ERP44: variants seen among roughly 807,000 people sequenced by gnomAD.
The protein encoded by ERP44 is endoplasmic reticulum resident protein 44.
In ERP44, 25 loss-of-function variants were observed where a neutral mutation model predicts 53.4. The ratio of observed to expected loss-of-function variants is 0.47; its 90% CI spans 0.34 to 0.65. ERP44 has a LOEUF of 0.65. Among genes scored for constraint, ERP44 ranks in the 30% least tolerant of loss-of-function variants. The pLI, the probability that ERP44 is intolerant of heterozygous loss-of-function variation, is 0.01. For synonymous variants in ERP44, 145 were observed against 161.2 expected, an observed-to-expected ratio of 0.90 and a Z score of 0.76; for missense variants, 338 against 493.2, an observed-to-expected ratio of 0.69 and a Z score of 2.98.
At chr9:100,019,045 A>G (rs1830556011) in intron 6 of ERP44, among the ~76,000 whole-genome samples, 1 of 152,260 alleles carries the variant, frequency 6.6e-6, no homozygotes, top group South Asian at 2.1e-4. Flanking sequence ...GTGAGTAGAG[A>G]CAGACTAACA....
intron 8 of ERP44, among the ~76,000 whole-genome samples, chr9:100,011,777 C>G (rs928170711): frequency 1.3e-5 from 2 of 152,080 alleles, no homozygotes; most frequent in South Asian, 4.1e-4. Flanking sequence ...AAAAAAGCAA[C>G]AGAACATTAC....
At chr9:100,083,058 T>C (rs1452134881) in intron 1 of ERP44, among the ~76,000 whole-genome samples, 3 of 147,904 alleles carry the variant, frequency 2.0e-5, no homozygotes, top group Non-Finnish European at 3.0e-5. Context: ...TAACAAATAA[T>C]AGAAAGAATG....
intron 1 of ERP44, among the ~76,000 whole-genome samples, chr9:100,073,766 G>A (rs1826328529): frequency 6.6e-6 from 1 of 152,162 alleles, no homozygotes; most frequent in African/African-American, 2.4e-5. Context: ...ATCCAAATGT[G>A]TGTTATCATC....
At position 99,982,478 on chromosome 9, in the gene ERP44, A is replaced by C. The variant is rs1830157972; in HGVS notation, c.*134T>G. 1 of 405,866 alleles carries C rather than the reference A, an allele frequency of 2.5e-6. No individual in the cohort carries two copies. Among genetic ancestry groups the C allele is most frequent in the Non-Finnish European group, 4.2e-6 (1 of 237,628 alleles). The allele number at this position is 405,866 out of a possible 1,614,324, so 25.1% of individuals were successfully genotyped here. ...ATGCATTTTGAGTCGGGGAGAAAAA[A>C]ATTAAAAACCCAAAATTTCTTTCTG... On this transcript the variant is annotated 3_prime_UTR_variant, in exon 12 of 12. Coordinates refer to ENST00000262455, the MANE Select transcript of ERP44 (RefSeq NM_015051.3).
At chr9:100,038,890 TA>T (rs1825872976) in intron 4 of ERP44, among the ~76,000 whole-genome samples, 1 of 152,068 alleles carries the variant, frequency 6.6e-6, no homozygotes, top group African/African-American at 2.4e-5. Flanking sequence ...ACAAAAACTA[TA>T]AGAAGAGACA....
intron 10 of ERP44, 54 bp downstream of exon 10, chr9:100,006,452 G>T: frequency 7.7e-7 from 1 of 1,306,160 alleles, no homozygotes; most frequent in Non-Finnish European, 1.1e-6. Flanking sequence ...ACTATTTTCA[G>T]TTCATTTTTG....
At chr9:100,007,448 A>C in intron 9 of ERP44, 130 bp downstream of exon 9, 1 of 611,958 alleles carries the variant, frequency 1.6e-6, no homozygotes, top group South Asian at 1.9e-5. Context: ...ATCACATTTG[A>C]ATGTGTTAAA....
chr9:100,022,264 A>C, intron 4 of ERP44, 38 bp from the exon 5 acceptor site: 1 of 1,556,274 alleles, frequency 6.4e-7, no homozygotes, highest in Non-Finnish European at 8.7e-7. Context: ...CCTCATATGT[A>C]GTCAGGGCAA....
At chr9:100,098,178 G>T (rs1486182105) in intron 1 of ERP44, among the ~76,000 whole-genome samples, 1 of 152,196 alleles carries the variant, frequency 6.6e-6, no homozygotes, top group Admixed American at 6.5e-5. Context: ...CTTCCATGGG[G>T]AAATACGTTG....
chr9:100,043,304 A>G (rs2118692362), intron 4 of ERP44, among the ~76,000 whole-genome samples: 1 of 148,794 alleles, frequency 6.7e-6, no homozygotes, highest in East Asian at 2.0e-4. Flanking sequence ...TAAATAAGAC[A>G]TAGTATTTGC....
chr9:100,098,865 G>A lies in ERP44; in HGVS notation c.-25C>T, dbSNP rs754620980. 31 of 1,609,460 alleles carry A rather than the reference G, an allele frequency of 1.9e-5. No individual in the cohort carries two copies. Among genetic ancestry groups the A allele is most frequent in the Non-Finnish European group, 2.5e-5 (30 of 1,176,552 alleles). Reference sequence around the variant, plus strand: ...TGGTAACGCTGGGGTCCGTGACAGGGACAGGCGCTGGCGGCTGGGACTGGG... The same window carrying A: ...TGGTAACGCTGGGGTCCGTGACAGGAACAGGCGCTGGCGGCTGGGACTGGG... On this transcript the variant is annotated 5_prime_UTR_variant, in exon 1 of 12. Transcript: ENST00000262455.
chr9:100,032,306 C>G (rs1342102391), intron 4 of ERP44, among the ~76,000 whole-genome samples: 1 of 152,194 alleles, frequency 6.6e-6, no homozygotes, highest in Non-Finnish European at 1.5e-5. Context: ...CTTACAACTA[C>G]TAGATCTTCT....
At chr9:100,021,303 C>T (rs1044217041) in intron 5 of ERP44, among the ~76,000 whole-genome samples, 1 of 152,190 alleles carries the variant, frequency 6.6e-6, no homozygotes, top group African/African-American at 2.4e-5. Flanking sequence ...GTGACATAAC[C>T]CAGTGCATGT....
At chr9:100,013,809 A>T (rs10988945) in intron 8 of ERP44, among the ~76,000 whole-genome samples, 70,955 of 152,060 alleles carry the variant, frequency 0.47, 17,856 homozygotes, top group East Asian at 0.9. Flanking sequence ...ATCCAGTAGA[A>T]ATCTGTGCAT....
At chr9:100,091,074 T>C (rs1826550093) in intron 1 of ERP44, among the ~76,000 whole-genome samples, 1 of 152,212 alleles carries the variant, frequency 6.6e-6, no homozygotes. Flanking sequence ...ACTACTACAA[T>C]GTTTTTCTGA....
intron 11 of ERP44, among the ~76,000 whole-genome samples, chr9:99,983,853 A>G (rs1389374973): frequency 4.6e-5 from 7 of 152,250 alleles, no homozygotes; most frequent in Non-Finnish European, 8.8e-5. Context: ...TTATATTACT[A>G]TAAAACAAAC....
chr9:100,000,673 T>C (rs564160724), intron 10 of ERP44, among the ~76,000 whole-genome samples: 2 of 152,282 alleles, frequency 1.3e-5, no homozygotes, highest in Admixed American at 6.5e-5. Flanking sequence ...TAATTATTCA[T>C]AGTAGCCTCT....
chr9:99,987,832 T>C (rs924012343), intron 10 of ERP44, among the ~76,000 whole-genome samples: 6 of 152,300 alleles, frequency 3.9e-5, no homozygotes, highest in African/African-American at 1.4e-4. Context: ...TATAAAAAGA[T>C]CTGTTCCTGT....
At chr9:100,049,323 G>A (rs1826011761) in intron 4 of ERP44, among the ~76,000 whole-genome samples, 1 of 152,168 alleles carries the variant, frequency 6.6e-6, no homozygotes, top group Non-Finnish European at 1.5e-5. Flanking sequence ...CTGGGGCCTG[G>A]AAGGTCCGAG....
Sources: allele counts gnomAD v4.1 joint callset (sites outside exome capture counted in the v4.1 genomes callset), GRCh38; gene constraint gnomAD v4.1.1; transcripts MANE v1.5; gene names NCBI Gene and HGNC (gene_info 2026-07-23, HGNC 2026-07-21).